Variants in PRKD1 observed in about 807,000 individuals in gnomAD.
PRKD1 encodes the protein protein kinase D1.
Under a neutral mutation model 95.9 loss-of-function variants are expected in PRKD1, and 63 were observed. The ratio of observed to expected loss-of-function variants is 0.66; its 90% confidence interval spans 0.54 to 0.81. PRKD1 has a LOEUF of 0.81. Among genes scored for constraint, PRKD1 ranks in the 30% least tolerant of loss-of-function variants. PRKD1 has a pLI of 0.00. For missense variants in PRKD1, 1,048 were observed against 1,165.3 expected, an observed-to-expected ratio of 0.90 and a Z score of 1.47; for synonymous variants, 425 against 423.1, an observed-to-expected ratio of 1.00 and a Z score of -0.05.
chr14:29,873,229 G>A (rs1343010770), intron 1 of PRKD1, among the ~76,000 whole-genome samples: 1 of 152,132 alleles, frequency 6.6e-6, no homozygotes, highest in Admixed American at 6.6e-5. Flanking sequence ...GGGACTACAG[G>A]TGCCCGCCAA....
intron 1 of PRKD1, among the ~76,000 whole-genome samples, chr14:29,909,523 T>C (rs528517162): frequency 6.6e-6 from 1 of 152,154 alleles, no homozygotes; most frequent in Non-Finnish European, 1.5e-5. Context: ...TAAGGGATTG[T>C]AGATACACCA....
chr14:29,897,957 A>G (rs919354691), intron 1 of PRKD1, among the ~76,000 whole-genome samples: 2 of 152,096 alleles, frequency 1.3e-5, no homozygotes, highest in Non-Finnish European at 2.9e-5. Context: ...TATGTTTCTT[A>G]AAATATAAAG....
chr14:29,838,523 T>A (rs1220382951), intron 1 of PRKD1, among the ~76,000 whole-genome samples: 1 of 152,144 alleles, frequency 6.6e-6, no homozygotes, highest in African/African-American at 2.4e-5. Context: ...TTGCTTTTGG[T>A]TATTGGCTTT....
chr14:29,745,673 C>T (rs1594479170), intron 1 of PRKD1, among the ~76,000 whole-genome samples: 2 of 151,916 alleles, frequency 1.3e-5, no homozygotes, highest in Non-Finnish European at 2.9e-5. Context: ...CAGGGGGTCT[C>T]ACTATGTTGC....
intron 12 of PRKD1, among the ~76,000 whole-genome samples, 184 bp from the exon 13 acceptor site, chr14:29,624,442 G>A (rs1879482433): frequency 6.6e-6 from 1 of 151,912 alleles, no homozygotes; most frequent in Non-Finnish European, 1.5e-5. Flanking sequence ...TCAAATATGT[G>A]CTTTAAAAAT....
chr14:29,731,481 T>C (rs374057704), intron 1 of PRKD1, among the ~76,000 whole-genome samples: 1 of 152,224 alleles, frequency 6.6e-6, no homozygotes, highest in African/African-American at 2.4e-5. Context: ...TCAGATTTTC[T>C]ATTTGCTTAA....
chr14:29,785,733 T>C (rs1234593670), intron 1 of PRKD1, among the ~76,000 whole-genome samples: 1 of 151,938 alleles, frequency 6.6e-6, no homozygotes, highest in East Asian at 1.9e-4. Context: ...AATGATGAGT[T>C]AATGGGTGCA....
intron 2 of PRKD1, among the ~76,000 whole-genome samples, chr14:29,669,449 G>A (rs1392139415): frequency 2.0e-5 from 3 of 151,636 alleles, no homozygotes; most frequent in Non-Finnish European, 4.4e-5. Context: ...TTTGCTGTGG[G>A]CATTTTTTTT....
chr14:29,776,877 T>A (rs1270270974), intron 1 of PRKD1, among the ~76,000 whole-genome samples: 3 of 152,160 alleles, frequency 2.0e-5, no homozygotes, highest in Non-Finnish European at 2.9e-5. Context: ...GGAAAAAATG[T>A]TAAGGGCAGC....
intron 1 of PRKD1, among the ~76,000 whole-genome samples, chr14:29,767,819 T>A (rs185634874): frequency 6.6e-6 from 1 of 152,232 alleles, no homozygotes; most frequent in Non-Finnish European, 1.5e-5. Flanking sequence ...AAGTGATTGA[T>A]TTCAATCACA....
chr14:29,595,781 A>G (rs1458910581), intron 16 of PRKD1, among the ~76,000 whole-genome samples: 1 of 152,202 alleles, frequency 6.6e-6, no homozygotes, highest in Admixed American at 6.5e-5. Context: ...GTGTAACAGG[A>G]AAGTGTTTGA....
intron 2 of PRKD1, among the ~76,000 whole-genome samples, chr14:29,695,317 T>A (rs1884454803): frequency 6.6e-6 from 1 of 150,762 alleles, no homozygotes; most frequent in Non-Finnish European, 1.5e-5. Context: ...AACAAAAGAG[T>A]GATATGATCC....
At chr14:29,888,811 TG>T (rs1893834043) in intron 1 of PRKD1, among the ~76,000 whole-genome samples, 1 of 152,256 alleles carries the variant, frequency 6.6e-6, no homozygotes, top group Non-Finnish European at 1.5e-5. Flanking sequence ...TTCAAAGTCC[TG>T]AGCATTAATT....
chr14:29,666,176 G>A lies in PRKD1; in HGVS notation c.436C>T (p.Pro146Ser). ...TATGAATGAACAAAGAGAGCGTGGG[G>A]ACGAATCTGAAAGTCTTCAAAGGTG... ...SATFEDFQIR[P>S]HALFVHSYRA... Residue 146 changes from proline to serine, a missense_variant, in exon 3 of 18, where the codon CCC (proline) becomes TCC (serine). This residue lies in a region of PRKD1 where 275 missense variants were observed against 248.6 expected (regional missense o/e 1.11). Coordinates refer to ENST00000331968, the MANE Select transcript of PRKD1 (RefSeq NM_002742.3). 1.2e-6 allele frequency: 2 copies of A among 1,601,968 alleles called. No individual in the cohort carries two copies. The highest frequency in any genetic ancestry group is 2.2e-5 in the East Asian group (1 of 44,672).
At chr14:29,831,537 C>T (rs757103408) in intron 1 of PRKD1, among the ~76,000 whole-genome samples, 8 of 150,452 alleles carry the variant, frequency 5.3e-5, no homozygotes, top group Non-Finnish European at 7.4e-5. Context: ...GGCCCAATCT[C>T]GGTTCACCGC....
At chr14:29,919,994 A>AGAG (rs1566672119) in intron 1 of PRKD1, among the ~76,000 whole-genome samples, 1 of 139,812 alleles carries the variant, frequency 7.2e-6, no homozygotes, top group African/African-American at 2.8e-5. Context: ...GAAAGAGAGG[A>AGAG]AGGAAGGTAG....
At chr14:29,577,545 T>TC (rs1892600683) in intron 17 of PRKD1, 89 bp from the exon 18 acceptor site, 2 of 1,262,178 alleles carry the variant, frequency 1.6e-6, no homozygotes, top group Non-Finnish European at 2.3e-6. Context: ...AATCTATGAG[T>TC]TACCCTTCTC....
At chr14:29,771,676 C>G (rs1177126102) in intron 1 of PRKD1, among the ~76,000 whole-genome samples, 1 of 152,172 alleles carries the variant, frequency 6.6e-6, no homozygotes, top group African/African-American at 2.4e-5. Context: ...ACTGTAGATA[C>G]AACTTGCATT....
intron 9 of PRKD1, among the ~76,000 whole-genome samples, chr14:29,631,234 A>G (rs1879987881): frequency 6.6e-6 from 1 of 152,176 alleles, no homozygotes; most frequent in Non-Finnish European, 1.5e-5. Context: ...AGAAAATGTG[A>G]CTTTTTATGC....
Sources: allele counts gnomAD v4.1 joint callset (sites outside exome capture counted in the v4.1 genomes callset), GRCh38; gene constraint gnomAD v4.1.1; regional missense constraint gnomAD v4.1.1; transcripts MANE v1.5; gene names NCBI Gene and HGNC (gene_info 2026-07-23, HGNC 2026-07-21).